TTC1: variants seen among roughly 807,000 people sequenced by gnomAD.
TTC1 encodes the protein tetratricopeptide repeat domain 1, also known as tetratricopeptide repeat protein 1.
In TTC1, 31 loss-of-function variants were observed where a neutral mutation model predicts 37.6. The ratio of observed to expected loss-of-function variants is 0.82; its 90% CI spans 0.62 to 1.11. The LOEUF is 1.11. TTC1 is among the 50% of genes most tolerant of loss of function. The probability of loss-of-function intolerance (pLI) is 0.00; values close to 1 mark genes in which losing one functional copy is unlikely to be tolerated. For missense variants in TTC1, 351 were observed against 339.0 expected (o/e 1.04, Z -0.28); for synonymous variants, 127 against 122.4 (o/e 1.04, Z -0.25).
chr5:160,038,382 G>A (rs1757031076), intron 4 of TTC1, among the ~76,000 whole-genome samples: 1 of 152,178 alleles, frequency 6.6e-6, no homozygotes, highest in Non-Finnish European at 1.5e-5. Flanking sequence ...TTGTGAAATA[G>A]GATCAAGGAT....
At chr5:160,047,007 G>A (rs1561635696) in intron 5 of TTC1, among the ~76,000 whole-genome samples, 1 of 152,010 alleles carries the variant, frequency 6.6e-6, no homozygotes, top group Non-Finnish European at 1.5e-5. Flanking sequence ...GCAAGATTCC[G>A]TCTAAAAAAA....
At position 160,045,552 on chromosome 5, in the gene TTC1, TCCCC is replaced by T. The variant is rs142492183; in HGVS notation, c.541+2385_541+2388del. 8.6e-4 allele frequency among the ~76,000 whole-genome samples: 75 copies of T among 87,510 alleles called. 3 individuals carry two copies. Among genetic ancestry groups the T allele is most frequent in the African/African-American group, 2.4e-3 (53 of 21,780 alleles). 57.4% of individuals were successfully genotyped at this position (87,510 alleles called of 152,430 possible). A position where few individuals can be genotyped will look rare whatever the true frequency, so the allele number is the denominator to read the frequency against. On this transcript the variant is annotated intron_variant, in intron 5 of 7. Coordinates refer to ENST00000231238, the MANE Select transcript of TTC1 (RefSeq NM_003314.3). ...CTCTCTCTCTCTCTCTCTCTCTCTC[TCCCC>T]CTCCCCTCTCTCAATCTCTCAATTC...
chr5:160,058,816 TCTC>T (rs1271297906), intron 7 of TTC1, among the ~76,000 whole-genome samples: 9 of 152,178 alleles, frequency 5.9e-5, no homozygotes, highest in Non-Finnish European at 7.3e-5. Flanking sequence ...ACAACTTTAA[TCTC>T]CTTGTTCATC....
At chr5:160,024,899 T>C (rs1756774269) in intron 2 of TTC1, among the ~76,000 whole-genome samples, 1 of 152,104 alleles carries the variant, frequency 6.6e-6, no homozygotes. Context: ...AGTGGCACGA[T>C]TCCATAATTC....
At chr5:160,032,054 A>G (rs892072745) in intron 2 of TTC1, among the ~76,000 whole-genome samples, 4 of 152,210 alleles carry the variant, frequency 2.6e-5, no homozygotes, top group Admixed American at 6.5e-5. Flanking sequence ...GGCCCGTAGC[A>G]CTGATTCCTT....
At chr5:160,059,547 G>C (rs189274805) in intron 7 of TTC1, among the ~76,000 whole-genome samples, 16 of 152,304 alleles carry the variant, frequency 1.1e-4, no homozygotes, top group Admixed American at 5.2e-4. Flanking sequence ...TTAAAGTCTG[G>C]CTCTTCCCTT....
intron 2 of TTC1, among the ~76,000 whole-genome samples, chr5:160,014,513 AT>A (rs1296335417): frequency 9.5e-4 from 143 of 150,324 alleles, no homozygotes; most frequent in South Asian, 3.4e-3. Flanking sequence ...AAAAAAAAAA[AT>A]TTTTTTTTAA....
chr5:160,064,785 A>G lies in TTC1; in HGVS notation c.746-147A>G, dbSNP rs1581135121. 3 of 849,424 alleles carry G rather than the reference A, an allele frequency of 3.5e-6. No homozygotes were observed. In the East Asian group the frequency reaches 8.1e-5, roughly 23 times the overall value. The allele number at this position is 849,424 out of a possible 1,614,324, so 52.6% of individuals were successfully genotyped here. ...AATAGGGGCTGGGAACTCTCCTGGA[A>G]GCTTTCATCATATTAAAAGTAGGCA... On this transcript the variant is annotated intron_variant, in intron 7 of 7. Coordinates refer to ENST00000231238, the MANE Select transcript of TTC1 (RefSeq NM_003314.3).
chr5:160,039,445 A>G (rs976733764), intron 4 of TTC1, among the ~76,000 whole-genome samples: 4 of 152,078 alleles, frequency 2.6e-5, no homozygotes, highest in African/African-American at 9.7e-5. Context: ...AAAAATTATG[A>G]AAGAATGGTA....
intron 6 of TTC1, 136 bp downstream of exon 6, chr5:160,049,798 C>T (rs1365326724): frequency 2.6e-6 from 2 of 774,534 alleles, no homozygotes; most frequent in African/African-American, 1.8e-5. Flanking sequence ...ATATGGGAGG[C>T]CAGGCGCAGT....
Position 160,060,327 on chromosome 5 carries a change from G to A in TTC1, c.746-4605G>A, listed in dbSNP as rs1757664428. On this transcript the variant is annotated intron_variant, in intron 7 of 7. Coordinates refer to ENST00000231238, the MANE Select transcript of TTC1 (RefSeq NM_003314.3). Reference sequence around the variant, plus strand: ...TGTATAACAAATCAATTGGGTTATGGTGATATGCTACTTGGCAGAGAAATT... The same window carrying A: ...TGTATAACAAATCAATTGGGTTATGATGATATGCTACTTGGCAGAGAAATT... Among the ~76,000 whole-genome samples, 3 of 152,214 alleles carry A rather than the reference G, an allele frequency of 2.0e-5. No individual in the cohort carries two copies. In the South Asian group the frequency reaches 6.2e-4, roughly 31 times the overall value.
chr5:160,045,794 G>A (rs988913472), intron 5 of TTC1, among the ~76,000 whole-genome samples: 5 of 151,876 alleles, frequency 3.3e-5, no homozygotes, highest in African/African-American at 4.8e-5. Context: ...CTAGGCTGGA[G>A]TGCAGTGGTG....
At chr5:160,063,176 C>A (rs1405641652) in intron 7 of TTC1, among the ~76,000 whole-genome samples, 2 of 152,182 alleles carry the variant, frequency 1.3e-5, no homozygotes, top group African/African-American at 4.8e-5. Context: ...AGTTCTTAAG[C>A]CTGAGACTAA....
intron 4 of TTC1, chr5:160,039,150 G>A (rs1757045675): frequency 6.6e-6 from 1 of 152,118 alleles, no homozygotes; most frequent in South Asian, 2.1e-4. Flanking sequence ...CAGCATCCCT[G>A]ACTCAGTGCC....
At chr5:160,021,017 G>A (rs1756694546) in intron 2 of TTC1, among the ~76,000 whole-genome samples, 1 of 152,182 alleles carries the variant, frequency 6.6e-6, no homozygotes, top group Non-Finnish European at 1.5e-5. Flanking sequence ...AGTGAGGTGT[G>A]TTTACATTAT....
rs1756756070 is a variant in TTC1, at chr5:160,023,792, C to A, written c.331-11348C>A. 5.6e-6 allele frequency: 9 copies of A among 1,613,466 alleles called. No homozygotes were observed. The Admixed American group carries it at 1.5e-4, about 27-fold the overall frequency. On this transcript the variant is annotated intron_variant, in intron 2 of 7. Transcript: ENST00000231238. ...TGCCTTGCTGTCTTTTGATGTGTGC[C>A]TTGCCCTCTTGCCTGTATCATTCTC...
intron 3 of TTC1, among the ~76,000 whole-genome samples, chr5:160,035,856 G>T (rs1756990106): frequency 6.6e-6 from 1 of 151,892 alleles, no homozygotes; most frequent in South Asian, 2.1e-4. Context: ...CAGAAATCTA[G>T]GAGTGTTAAC....
At chr5:160,043,313 A>G (rs1188488405) in intron 5 of TTC1, 144 bp downstream of exon 5, 3 of 696,686 alleles carry the variant, frequency 4.3e-6, no homozygotes, top group Admixed American at 3.2e-5. Flanking sequence ...TTTCAAAGAT[A>G]CTATATAATA....
At chr5:160,021,492 T>G (rs1374283037) in intron 2 of TTC1, among the ~76,000 whole-genome samples, 1 of 152,240 alleles carries the variant, frequency 6.6e-6, no homozygotes, top group Non-Finnish European at 1.5e-5. Flanking sequence ...AATAGAATTT[T>G]CTGATTTAAG....
Sources: gnomAD v4.1 joint callset for allele counts (sites outside exome capture counted in the v4.1 genomes callset) on GRCh38, gnomAD v4.1.1 for gene constraint, MANE v1.5 for transcripts, NCBI Gene and HGNC (gene_info 2026-07-23, HGNC 2026-07-21) for gene names.